Variants in RUNX2 observed in about 807,000 individuals in gnomAD.
The protein encoded by RUNX2 is RUNX family transcription factor 2.
A neutral mutation model predicts 51.7 loss-of-function variants in RUNX2; 10 were observed. The ratio of observed to expected loss-of-function variants is 0.19; its 90% confidence interval spans 0.12 to 0.33. RUNX2 has a LOEUF of 0.33. Among genes scored for constraint, RUNX2 ranks in the 10% least tolerant of loss-of-function variants. The pLI, the probability that RUNX2 is intolerant of heterozygous loss-of-function variation, is 1.00. For synonymous variants in RUNX2, 276 were observed against 273.6 expected, an observed-to-expected ratio of 1.01 and a Z score of -0.09; for missense variants, 562 against 691.3, an observed-to-expected ratio of 0.81 and a Z score of 2.10.
intron 2 of RUNX2, among the ~76,000 whole-genome samples, chr6:45,418,768 T>G (rs1035482081): frequency 6.6e-6 from 1 of 152,220 alleles, no homozygotes; most frequent in Non-Finnish European, 1.5e-5. Context: ...GAAAACCCAC[T>G]GTGCCAGATA....
At chr6:45,342,243 T>C (rs1789938327) in intron 2 of RUNX2, among the ~76,000 whole-genome samples, 1 of 152,070 alleles carries the variant, frequency 6.6e-6, no homozygotes, top group Admixed American at 6.6e-5. Flanking sequence ...AAAAATAGAA[T>C]ACTAAGTTAT....
At chr6:45,476,815 C>G (rs1198138754) in intron 5 of RUNX2, among the ~76,000 whole-genome samples, 2 of 152,116 alleles carry the variant, frequency 1.3e-5, no homozygotes, top group Non-Finnish European at 2.9e-5. Context: ...GACATTTTTC[C>G]CTTCTAAATC....
intron 5 of RUNX2, among the ~76,000 whole-genome samples, chr6:45,448,752 G>A (rs1178175117): frequency 6.6e-6 from 1 of 152,194 alleles, no homozygotes; most frequent in Non-Finnish European, 1.5e-5. Flanking sequence ...GGGTAAAAAC[G>A]CTAGCATGTA....
rs557041737 is a variant in RUNX2, at chr6:45,344,976, A to G, written c.58+16192A>G. On this transcript the variant is annotated intron_variant, in intron 2 of 8. Transcript: ENST00000647337. ...AGCCAAGCTTCATTCTGGTGAGTTT[A>G]GAAATCTGTTTCACCTAGCTGAATC... Among the ~76,000 whole-genome samples the G allele has an allele frequency of 2.0e-4, 31 of 152,314 alleles. No homozygotes were observed. The South Asian group carries it at 5.6e-3, about 27-fold the overall frequency.
intron 6 of RUNX2, among the ~76,000 whole-genome samples, chr6:45,508,220 C>CTTTTTTTTT (rs61501897): frequency 4.0e-4 from 26 of 65,686 alleles, no homozygotes; most frequent in East Asian, 6.4e-4. Context: ...CTTATATTTC[C>CTTTTTTTTT]TTTTTTTTTT....
chr6:45,459,361 CT>C (rs1290971086), intron 5 of RUNX2, among the ~76,000 whole-genome samples: 1 of 152,160 alleles, frequency 6.6e-6, no homozygotes, highest in Admixed American at 6.5e-5. Flanking sequence ...TCTGATCCTG[CT>C]TTTCTCTACG....
chr6:45,397,118 T>TATA (rs1797598858), intron 2 of RUNX2, among the ~76,000 whole-genome samples: 2 of 152,020 alleles, frequency 1.3e-5, no homozygotes, highest in Admixed American at 1.3e-4. Context: ...TTTTTTTTTT[T>TATA]TTTGAGACTG....
At chr6:45,518,650 A>G (rs1801407155) in intron 7 of RUNX2, among the ~76,000 whole-genome samples, 1 of 152,174 alleles carries the variant, frequency 6.6e-6, no homozygotes. Context: ...GATTTTTTAC[A>G]TGGTTTTTCT....
chr6:45,377,037 C>G (rs1272973036), intron 2 of RUNX2, among the ~76,000 whole-genome samples: 1 of 152,136 alleles, frequency 6.6e-6, no homozygotes, highest in Non-Finnish European at 1.5e-5. Context: ...TTACATATCA[C>G]TGTCTTCATA....
chr6:45,362,843 G>GT (rs141246778), intron 2 of RUNX2, among the ~76,000 whole-genome samples: 27,277 of 151,874 alleles, frequency 0.18, 3,801 homozygotes, highest in African/African-American at 0.39. Context: ...TTTTTTCTCA[G>GT]TTTTTTTAAA....
chr6:45,354,605 G>A (rs959543122), intron 2 of RUNX2, among the ~76,000 whole-genome samples: 5 of 145,024 alleles, frequency 3.4e-5, no homozygotes, highest in Non-Finnish European at 7.6e-5. Flanking sequence ...TATTCAAACA[G>A]TAACTACACA....
chr6:45,432,118 CT>C (rs1218115083), intron 4 of RUNX2, 99 bp downstream of exon 4: 1 of 1,142,748 alleles, frequency 8.8e-7, no homozygotes, highest in Non-Finnish European at 1.3e-6. Flanking sequence ...CCTTCTTTTT[CT>C]GAATAGAATT....
At chr6:45,376,619 TC>T (rs1218737002) in intron 2 of RUNX2, among the ~76,000 whole-genome samples, 1 of 152,166 alleles carries the variant, frequency 6.6e-6, no homozygotes, top group Non-Finnish European at 1.5e-5. Flanking sequence ...CGCTCCAACG[TC>T]CCGAATATCC....
intron 6 of RUNX2, among the ~76,000 whole-genome samples, chr6:45,496,710 A>T (rs932038273): frequency 7.9e-5 from 12 of 152,052 alleles, no homozygotes; most frequent in Non-Finnish European, 1.5e-4. Flanking sequence ...GTAGTGGGGG[A>T]TGTGAAGCAA....
chr6:45,409,590 T>G (rs2150356066), intron 2 of RUNX2, among the ~76,000 whole-genome samples: 1 of 152,178 alleles, frequency 6.6e-6, no homozygotes, highest in African/African-American at 2.4e-5. Context: ...TATTTCGAGG[T>G]TTTTTCCCCA....
chr6:45,389,104 G>A (rs1011763220), intron 2 of RUNX2, among the ~76,000 whole-genome samples: 7 of 152,216 alleles, frequency 4.6e-5, no homozygotes, highest in African/African-American at 1.7e-4. Flanking sequence ...CTTGCAGCAA[G>A]TGCTAATTGA....
At chr6:45,533,837 T>C (rs1424436010) in intron 7 of RUNX2, among the ~76,000 whole-genome samples, 2 of 151,860 alleles carry the variant, frequency 1.3e-5, no homozygotes, top group East Asian at 3.9e-4. Context: ...TCAATTGAAA[T>C]GTGCCCTGTG....
In RUNX2 at chr6:45,550,589, TTTG is replaced by T. The variant is rs1156399560; in HGVS notation, c.*3290_*3292del. On this transcript the variant is annotated 3_prime_UTR_variant, in exon 9 of 9. Coordinates refer to ENST00000647337, the MANE Select transcript of RUNX2 (RefSeq NM_001024630.4). ...AAAGACACTTCTTCCAAACCTTGAATTTGTTGTTTTTAGAAAACGAATGCATTT... is the reference window on the plus strand; with the variant it reads ...AAAGACACTTCTTCCAAACCTTGAATTTGTTTTTAGAAAACGAATGCATTT... 1.3e-5 allele frequency: 2 copies of T among 152,674 alleles called. No individual in the cohort carries two copies. The highest frequency in any genetic ancestry group is 1.3e-4 in the Admixed American group (2 of 15,290). The allele number at this position is 152,674 out of a possible 1,614,324, so 9.5% of individuals were successfully genotyped here.
intron 7 of RUNX2, among the ~76,000 whole-genome samples, chr6:45,542,671 G>C (rs913903641): frequency 1.3e-5 from 2 of 152,218 alleles, no homozygotes; most frequent in African/African-American, 2.4e-5. Context: ...TTAGGCAGTA[G>C]AAGAGTCAAT....
Sources: gnomAD v4.1 joint callset for allele counts (sites outside exome capture counted in the v4.1 genomes callset) on GRCh38, gnomAD v4.1.1 for gene constraint, MANE v1.5 for transcripts, NCBI Gene and HGNC (gene_info 2026-07-23, HGNC 2026-07-21) for gene names.